The following PHACTR4 variants were observed in gnomAD, a reference collection of about 807,000 sequenced individuals.
The protein encoded by PHACTR4 is phosphatase and actin regulator 4.
A neutral mutation model predicts 72.7 loss-of-function variants in PHACTR4; 51 were observed. The observed-to-expected ratio is 0.70, with a 90% CI of 0.56 to 0.89. PHACTR4 has a LOEUF of 0.89. Ranked by LOEUF, PHACTR4 falls within the 40% of genes least tolerant of loss-of-function variation. The pLI, the probability that PHACTR4 is intolerant of heterozygous loss-of-function variation, is 0.00. For synonymous variants in PHACTR4, 255 were observed against 302.5 expected, an observed-to-expected ratio of 0.84 and a Z score of 1.63; for missense variants, 731 against 861.8, an observed-to-expected ratio of 0.85 and a Z score of 1.90.
At chr1:28,466,236 G>A in intron 5 of PHACTR4, 146 bp from the exon 6 acceptor site, 1 of 860,498 alleles carries the variant, frequency 1.2e-6, no homozygotes, top group Non-Finnish European at 1.8e-6. Flanking sequence ...AGTATGGGGA[G>A]GTTGGGAGGC....
At chr1:28,427,425 C>T (rs576819669) in intron 2 of PHACTR4, among the ~76,000 whole-genome samples, 31 of 152,204 alleles carry the variant, frequency 2.0e-4, no homozygotes, top group African/African-American at 7.2e-4. Context: ...ACTTGGGGGC[C>T]TGAGGCAGGA....
intron 11 of PHACTR4, among the ~76,000 whole-genome samples, 181 bp from the exon 12 acceptor site, chr1:28,491,464 AAAAAC>A (rs765820678): frequency 2.0e-5 from 3 of 151,862 alleles, no homozygotes; most frequent in Non-Finnish European, 4.4e-5. Context: ...TCTCAAAAAA[AAAAAC>A]AAAACAAAAA....
intron 2 of PHACTR4, among the ~76,000 whole-genome samples, chr1:28,432,295 G>A (rs1656320063): frequency 6.6e-6 from 1 of 150,824 alleles, no homozygotes; most frequent in Non-Finnish European, 1.5e-5. Context: ...AACAAGGAAG[G>A]CTTAGGTCGG....
rs530569328 is a variant in PHACTR4 at position 28,415,273 on chromosome 1, A to G, written c.16+7810A>G. Among the ~76,000 whole-genome samples, 23 of 149,016 alleles carry G rather than the reference A, an allele frequency of 1.5e-4. No homozygotes were observed. The East Asian group carries it at 3.1e-3, about 20-fold the overall frequency. On this transcript the variant is annotated intron_variant, in intron 2 of 13. Coordinates refer to ENST00000373839, the MANE Select transcript of PHACTR4 (RefSeq NM_001048183.3). ...GAGACTCTGTCTCAAAAAAAAAAAA[A>G]AGAGAGAGAAAAGAAAGAAAAAAAT...
At chr1:28,458,974 C>T (rs1658604396) in intron 2 of PHACTR4, 111 bp from the exon 3 acceptor site, 5 of 940,442 alleles carry the variant, frequency 5.3e-6, no homozygotes, top group African/African-American at 1.7e-5. Context: ...GATTGTTTAT[C>T]GTTGCTCCGA....
intron 1 of PHACTR4, among the ~76,000 whole-genome samples, chr1:28,372,489 A>C (rs769301840): frequency 1.9e-4 from 29 of 152,150 alleles, no homozygotes; most frequent in Non-Finnish European, 3.5e-4. Flanking sequence ...TTAATCCAGC[A>C]GTGAGTGAGG....
chr1:28,387,947 C>T (rs919585963), intron 1 of PHACTR4, among the ~76,000 whole-genome samples: 2 of 152,002 alleles, frequency 1.3e-5, no homozygotes, highest in African/African-American at 2.4e-5. Context: ...AGGCTGGTCT[C>T]GAGCTCCTAA....
chr1:28,434,158 C>A (rs1456700666), intron 2 of PHACTR4, among the ~76,000 whole-genome samples: 2 of 152,144 alleles, frequency 1.3e-5, no homozygotes, highest in African/African-American at 4.8e-5. Context: ...CTTAAAAATT[C>A]TTGGCCATTT....
chr1:28,429,937 GA>G, intron 2 of PHACTR4, among the ~76,000 whole-genome samples: 1 of 152,090 alleles, frequency 6.6e-6, no homozygotes, highest in African/African-American at 2.4e-5. Flanking sequence ...CCATAGTTAT[GA>G]TTAGCTCTTT....
intron 1 of PHACTR4, among the ~76,000 whole-genome samples, chr1:28,387,551 C>A (rs1652655786): frequency 6.6e-6 from 1 of 151,930 alleles, no homozygotes; most frequent in South Asian, 2.1e-4. Flanking sequence ...TCAGGGTGAG[C>A]ATTATGATTC....
chr1:28,409,950 AATTTTTTTTT>A (rs1654653380), intron 2 of PHACTR4, among the ~76,000 whole-genome samples: 1 of 122,824 alleles, frequency 8.1e-6, no homozygotes, highest in Non-Finnish European at 1.6e-5. Context: ...CTTCTTCATA[AATTTTTTTTT>A]TTTTTTTTTT....
chr1:28,401,324 G>A (rs1653929632), intron 1 of PHACTR4, among the ~76,000 whole-genome samples: 1 of 147,642 alleles, frequency 6.8e-6, no homozygotes, highest in African/African-American at 2.5e-5. Context: ...TTTTTTTGGG[G>A]GGGATGGAGT....
intron 1 of PHACTR4, among the ~76,000 whole-genome samples, chr1:28,403,358 T>C (rs1430849143): frequency 6.6e-6 from 1 of 152,192 alleles, no homozygotes; most frequent in African/African-American, 2.4e-5. Flanking sequence ...ACCCTGGTCT[T>C]GATTGGATGT....
intron 1 of PHACTR4, among the ~76,000 whole-genome samples, chr1:28,404,403 C>T (rs868626207): frequency 6.6e-6 from 1 of 150,990 alleles, no homozygotes; most frequent in African/African-American, 2.4e-5. Flanking sequence ...CTGCCTCAGC[C>T]TCCTGAGTAC....
intron 6 of PHACTR4, among the ~76,000 whole-genome samples, chr1:28,470,362 T>C (rs933936777): frequency 6.6e-6 from 1 of 151,638 alleles, no homozygotes; most frequent in African/African-American, 2.4e-5. Context: ...CACTGCACTC[T>C]AGCCTGGGTA....
At chr1:28,398,635 A>G (rs758817738) in intron 1 of PHACTR4, among the ~76,000 whole-genome samples, 55 of 152,062 alleles carry the variant, frequency 3.6e-4, no homozygotes, top group Non-Finnish European at 7.1e-4. Context: ...CCTGGTGAAC[A>G]TGGTGAAACC....
At chr1:28,396,436 C>T (rs937860351) in intron 1 of PHACTR4, among the ~76,000 whole-genome samples, 21 of 151,348 alleles carry the variant, frequency 1.4e-4, no homozygotes, top group South Asian at 2.1e-4. Context: ...GAGGCTGAGT[C>T]GGAAGAATCA....
At chr1:28,443,867 G>A (rs1367200699) in intron 2 of PHACTR4, among the ~76,000 whole-genome samples, 3 of 152,078 alleles carry the variant, frequency 2.0e-5, no homozygotes, top group African/African-American at 7.2e-5. Flanking sequence ...CTGTTGTTGA[G>A]TAGTACTACA....
chr1:28,476,430 A>C (rs1382897468), intron 8 of PHACTR4, 139 bp downstream of exon 8: 1 of 778,742 alleles, frequency 1.3e-6, no homozygotes, highest in Non-Finnish European at 1.9e-6. Flanking sequence ...GTTGGAAGCC[A>C]CTGTGAAGGA....
Sources: allele counts gnomAD v4.1 joint callset (sites outside exome capture counted in the v4.1 genomes callset), GRCh38; gene constraint gnomAD v4.1.1; transcripts MANE v1.5; gene names NCBI Gene and HGNC (gene_info 2026-07-23, HGNC 2026-07-21).